Variants in DIAPH2 observed in about 807,000 individuals in gnomAD.
The protein encoded by DIAPH2 is diaphanous related formin 2.
DIAPH2 carries 35 observed loss-of-function variants against 92.7 expected under a neutral mutation model. That is an observed-to-expected ratio of 0.38 (90% CI 0.29 to 0.50). The LOEUF is 0.50. Ranked by LOEUF, DIAPH2 falls within the 20% of genes least tolerant of loss-of-function variation. DIAPH2 has a pLI of 0.94. For missense variants in DIAPH2, 701 were observed against 819.5 expected, an observed-to-expected ratio of 0.86 and a Z score of 1.77; for synonymous variants, 301 against 280.4, an observed-to-expected ratio of 1.07 and a Z score of -0.73.
At chrX:97,484,858 T>G (rs1361217495) in intron 26 of DIAPH2, among the ~76,000 whole-genome samples, 2 of 111,272 alleles carry the variant, frequency 1.8e-5, no homozygotes, top group East Asian at 5.6e-4. Context: ...ATCACGCCAC[T>G]GCACTCCAGC....
At chrX:97,570,099 TATA>T (rs1420896039) in intron 26 of DIAPH2, among the ~76,000 whole-genome samples, 7 of 31,316 alleles carry the variant, frequency 2.2e-4, no homozygotes, top group African/African-American at 6.7e-4. Context: ...TATATATATA[TATA>T]TATATATATA....
At chrX:96,714,940 G>T (rs190321818) in intron 1 of DIAPH2, among the ~76,000 whole-genome samples, 1 of 111,783 alleles carries the variant, frequency 8.9e-6, no homozygotes, top group East Asian at 2.8e-4. Context: ...GTCTGTGTGT[G>T]TACATATGAT....
In DIAPH2 at chrX:97,099,682, A is replaced by G. The variant is rs1356836217; in HGVS notation, c.2248-12A>G. 1.3e-5 allele frequency: 14 copies of G among 1,119,808 alleles called. No homozygotes were observed. Among genetic ancestry groups the G allele is most frequent in the Non-Finnish European group, 1.7e-5 (14 of 842,449 alleles). The allele number at this position is 1,119,808 out of a possible 1,213,427, so 92.3% of individuals were successfully genotyped here. A position where few individuals can be genotyped will look rare whatever the true frequency, so the allele number is the denominator to read the frequency against. ...TAAAACACTAAACTTTTATACTTTT[A>G]TTTCTTTTTAGAACCTTGTGAAACA... is the stretch of plus-strand genomic sequence containing the variant. On this transcript the variant is annotated splice_polypyrimidine_tract_variant and intron_variant, in intron 19 of 26. Transcript: ENST00000324765.
At chrX:96,863,983 A>AGCCC (rs2065088364) in intron 4 of DIAPH2, among the ~76,000 whole-genome samples, 1 of 111,329 alleles carries the variant, frequency 9.0e-6, no homozygotes, top group African/African-American at 3.3e-5. Context: ...GGATCGCTTG[A>AGCCC]GCCCAGGAGG....
intron 23 of DIAPH2, among the ~76,000 whole-genome samples, chrX:97,265,428 G>T (rs181720136): frequency 2.4e-3 from 269 of 111,863 alleles, no homozygotes; most frequent in Non-Finnish European, 4.4e-3. Flanking sequence ...CTTGGGCATG[G>T]AATGGGGTTT....
chrX:96,966,759 G>GT (rs1337687900), intron 17 of DIAPH2, among the ~76,000 whole-genome samples: 1 of 111,523 alleles, frequency 9.0e-6, no homozygotes, highest in Non-Finnish European at 1.9e-5. Context: ...CATATATGCT[G>GT]TTTTTCACAA....
At chrX:96,848,905 G>A (rs1189281467) in intron 4 of DIAPH2, among the ~76,000 whole-genome samples, 1 of 111,758 alleles carries the variant, frequency 8.9e-6, no homozygotes, top group African/African-American at 3.3e-5. Flanking sequence ...GACAAGAGTG[G>A]CGATGGTTTT....
chrX:97,201,866 C>T (rs1484062532), intron 22 of DIAPH2, among the ~76,000 whole-genome samples: 2 of 110,962 alleles, frequency 1.8e-5, no homozygotes, highest in African/African-American at 6.5e-5. Context: ...AAATAATCAT[C>T]AGATTCTCCA....
chrX:96,739,873 CTTT>C (rs1436533320), intron 3 of DIAPH2, among the ~76,000 whole-genome samples: 2 of 111,817 alleles, frequency 1.8e-5, no homozygotes, highest in African/African-American at 6.5e-5. Context: ...AACCTTTTCT[CTTT>C]TGAAGTCTGT....
At chrX:97,185,484 T>TACAC (rs2067592729) in intron 22 of DIAPH2, among the ~76,000 whole-genome samples, 5 of 11,417 alleles carry the variant, frequency 4.4e-4, no homozygotes, top group Non-Finnish European at 8.2e-4. Flanking sequence ...CATATATATA[T>TACAC]ATATATATAT....
chrX:97,419,850 G>C (rs757942485), intron 25 of DIAPH2, among the ~76,000 whole-genome samples: 1 of 111,991 alleles, frequency 8.9e-6, no homozygotes, highest in Non-Finnish European at 1.9e-5. Context: ...ATTTTGAATT[G>C]AGTTAGATTT....
intron 4 of DIAPH2, among the ~76,000 whole-genome samples, chrX:96,860,119 A>G (rs1240329622): frequency 8.9e-6 from 1 of 112,319 alleles, no homozygotes; most frequent in South Asian, 3.7e-4. Context: ...TAAACATTGA[A>G]GTGAAAATAT....
chrX:96,800,926 A>G (rs1316078483), intron 4 of DIAPH2, among the ~76,000 whole-genome samples: 1 of 112,338 alleles, frequency 8.9e-6, no homozygotes, highest in African/African-American at 3.2e-5. Flanking sequence ...CATATTAATC[A>G]TAACCAGTCT....
intron 17 of DIAPH2, among the ~76,000 whole-genome samples, chrX:97,038,974 T>C (rs1226818753): frequency 9.0e-6 from 1 of 111,636 alleles, no homozygotes; most frequent in Non-Finnish European, 1.9e-5. Context: ...ATATGAGTTG[T>C]TTTGAACTCT....
chrX:97,561,029 G>C (rs2071290734), intron 26 of DIAPH2, among the ~76,000 whole-genome samples: 1 of 111,819 alleles, frequency 8.9e-6, no homozygotes, highest in South Asian at 3.8e-4. Context: ...TGGGGGGAAG[G>C]GGGAGAGAAC....
chrX:96,831,628 T>C (rs1008034942), intron 4 of DIAPH2, among the ~76,000 whole-genome samples: 1 of 112,629 alleles, frequency 8.9e-6, no homozygotes, highest in African/African-American at 3.2e-5. Context: ...ATCAATTGAA[T>C]TAAATTATCA....
At chrX:97,503,946 G>A (rs2070815723) in intron 26 of DIAPH2, among the ~76,000 whole-genome samples, 1 of 111,492 alleles carries the variant, frequency 9.0e-6, no homozygotes, top group Non-Finnish European at 1.9e-5. Context: ...GCTATGTTAA[G>A]TAGCCTCACA....
chrX:96,857,026 G>A (rs1250748293), intron 4 of DIAPH2, among the ~76,000 whole-genome samples: 1 of 85,103 alleles, frequency 1.2e-5, no homozygotes, highest in East Asian at 4.0e-4. Context: ...GAGACAGAGT[G>A]AGACTGCATC....
intron 4 of DIAPH2, among the ~76,000 whole-genome samples, chrX:96,810,116 T>A (rs1275713092): frequency 8.9e-6 from 1 of 112,436 alleles, no homozygotes; most frequent in East Asian, 2.8e-4. Context: ...ACGGTTGAAC[T>A]AGTTTACACT....
Sources: allele counts gnomAD v4.1 joint callset (sites outside exome capture counted in the v4.1 genomes callset), GRCh38; gene constraint gnomAD v4.1.1; transcripts MANE v1.5; gene names NCBI Gene and HGNC (gene_info 2026-07-23, HGNC 2026-07-21).